LSAMP: variants seen among roughly 807,000 people sequenced by gnomAD.
The protein encoded by LSAMP is limbic system-associated membrane protein.
LSAMP carries 7 observed loss-of-function variants against 38.6 expected under a neutral mutation model. The observed-to-expected ratio is 0.18, with a 90% CI of 0.10 to 0.34. LSAMP has a LOEUF of 0.34. Among genes scored for constraint, LSAMP ranks in the 10% least tolerant of loss-of-function variants. The probability of loss-of-function intolerance (pLI) is 1.00; values close to 1 mark genes in which losing one functional copy is unlikely to be tolerated. For synonymous variants in LSAMP, 154 were observed against 166.8 expected (o/e 0.92, Z 0.59); for missense variants, 313 against 420.0 (o/e 0.75, Z 2.23).
chr3:116,380,009 A>G (rs1301293885), intron 1 of LSAMP, among the ~76,000 whole-genome samples: 1 of 152,036 alleles, frequency 6.6e-6, no homozygotes, highest in Non-Finnish European at 1.5e-5. Flanking sequence ...GAACACTACC[A>G]TATACTGTGT....
intron 1 of LSAMP, among the ~76,000 whole-genome samples, chr3:116,424,654 G>T (rs1576214407): frequency 1.3e-5 from 2 of 152,100 alleles, no homozygotes; most frequent in Non-Finnish European, 1.5e-5. Flanking sequence ...GACATAGTGT[G>T]GATTAAATAC....
intron 1 of LSAMP, among the ~76,000 whole-genome samples, chr3:116,137,420 A>T (rs73140913): frequency 0.18 from 27,270 of 152,104 alleles, 2,555 homozygotes; most frequent in Admixed American, 0.22. Context: ...ACAAGTAATA[A>T]ACATTTCATT....
chr3:116,249,703 A>G (rs2046654183), intron 1 of LSAMP, among the ~76,000 whole-genome samples: 1 of 151,450 alleles, frequency 6.6e-6, no homozygotes, highest in Non-Finnish European at 1.5e-5. Context: ...TTTAATACAT[A>G]GTCTTCTGGG....
rs1027763793 is a variant in LSAMP, at chr3:115,807,769, TAAG to T, written c.*2545_*2547del. 8 of 152,190 alleles carry T rather than the reference TAAG, an allele frequency of 5.3e-5. No homozygotes were observed. The highest frequency in any genetic ancestry group is 1.3e-4 in the Admixed American group (2 of 15,286). 9.4% of individuals were successfully genotyped at this position (152,190 alleles called of 1,614,324 possible). A position where few individuals can be genotyped will look rare whatever the true frequency, so the allele number is the denominator to read the frequency against. On this transcript the variant is annotated 3_prime_UTR_variant, in exon 7 of 7. Transcript: ENST00000490035. ...AAGATGATACCCTTTATTCTTGAAC[TAAG>T]AAGACCAAACTGTTAAGAGAAATAC...
At chr3:116,105,286 T>C (rs1261056949) in intron 1 of LSAMP, among the ~76,000 whole-genome samples, 1 of 151,934 alleles carries the variant, frequency 6.6e-6, no homozygotes, top group Non-Finnish European at 1.5e-5. Context: ...AGAAGCATGA[T>C]GTGAGAGGAC....
Position 116,272,412 on chromosome 3 carries a change from C to CA in LSAMP, c.155+172464dup, listed in dbSNP as rs549408342. On this transcript the variant is annotated intron_variant, in intron 1 of 6. Transcript: ENST00000490035. ...GTTTGATAGAAAGGCCATCTTATTG[C>CA]ACTTATCGAAGCACTGATCCCTAGT... 7.2e-5 allele frequency among the ~76,000 whole-genome samples: 11 copies of CA among 152,226 alleles called. No homozygotes were observed. In the South Asian group the frequency reaches 2.3e-3, roughly 32 times the overall value.
At chr3:116,144,307 C>A (rs529801487) in intron 1 of LSAMP, among the ~76,000 whole-genome samples, 3 of 151,854 alleles carry the variant, frequency 2.0e-5, no homozygotes, top group African/African-American at 7.2e-5. Context: ...GAGACCAATG[C>A]GAGAGGATTG....
intron 6 of LSAMP, chr3:115,816,736 TGAAA>T: frequency 3.0e-6 from 2 of 656,550 alleles, no homozygotes; most frequent in Non-Finnish European, 4.6e-6. Context: ...TATTCTCCAC[TGAAA>T]GGCGAATAAG....
At chr3:116,023,001 C>T (rs983319969) in intron 2 of LSAMP, among the ~76,000 whole-genome samples, 1 of 152,094 alleles carries the variant, frequency 6.6e-6, no homozygotes, top group African/African-American at 2.4e-5. Context: ...ACTGCTCTCT[C>T]CCCTTGACCA....
intron 2 of LSAMP, among the ~76,000 whole-genome samples, chr3:116,034,185 C>T (rs1940995253): frequency 6.6e-6 from 1 of 152,028 alleles, no homozygotes; most frequent in Admixed American, 6.6e-5. Context: ...AGGTACCTGA[C>T]ATGAGGGATC....
chr3:116,104,957 G>T (rs191661460), intron 1 of LSAMP, among the ~76,000 whole-genome samples: 1 of 152,322 alleles, frequency 6.6e-6, no homozygotes, highest in African/African-American at 2.4e-5. Flanking sequence ...CAGGAGCACA[G>T]CGGTGGAAGA....
rs373014677 is a variant in LSAMP at position 115,812,166 on chromosome 3, C to A, written c.920-1752G>T. On this transcript the variant is annotated intron_variant, in intron 6 of 6. Transcript: ENST00000490035. Reference sequence around the variant, plus strand: ...CTTCTTGAGAATATTAAAAACATCACCCAATATAAAAATATGAACATATAC... The same window carrying A: ...CTTCTTGAGAATATTAAAAACATCAACCAATATAAAAATATGAACATATAC... 3.3e-5 allele frequency among the ~76,000 whole-genome samples: 5 copies of A among 152,136 alleles called. No homozygotes were observed. The South Asian group carries it at 6.2e-4, about 19-fold the overall frequency.
chr3:116,300,457 A>AAATC (rs2047391016), intron 1 of LSAMP, among the ~76,000 whole-genome samples: 1 of 152,130 alleles, frequency 6.6e-6, no homozygotes, highest in Non-Finnish European at 1.5e-5. Flanking sequence ...AAAGTCACTT[A>AAATC]AATCAGGGGT....
At chr3:115,844,265 C>T (rs1452366591) in intron 4 of LSAMP, among the ~76,000 whole-genome samples, 4 of 152,304 alleles carry the variant, frequency 2.6e-5, no homozygotes, top group Middle Eastern at 6.8e-3. Flanking sequence ...AAATTGCTAA[C>T]TTTCCAAATT....
chr3:116,123,742 A>T (rs914526910), intron 1 of LSAMP, among the ~76,000 whole-genome samples: 11 of 152,242 alleles, frequency 7.2e-5, no homozygotes, highest in Admixed American at 4.6e-4. Context: ...CACGGTAGAT[A>T]TTAATCAGAC....
At chr3:116,165,563 C>T (rs1286370928) in intron 1 of LSAMP, among the ~76,000 whole-genome samples, 1 of 152,202 alleles carries the variant, frequency 6.6e-6, no homozygotes, top group Non-Finnish European at 1.5e-5. Context: ...CATACACACA[C>T]ACACACACTT....
chr3:115,968,252 C>A (rs1246782888), intron 3 of LSAMP, among the ~76,000 whole-genome samples: 1 of 151,982 alleles, frequency 6.6e-6, no homozygotes, highest in Non-Finnish European at 1.5e-5. Flanking sequence ...TTTTCTCAAG[C>A]AGAAGGATTC....
intron 2 of LSAMP, among the ~76,000 whole-genome samples, chr3:116,036,772 A>G (rs1449272231): frequency 6.6e-6 from 1 of 152,210 alleles, no homozygotes; most frequent in Non-Finnish European, 1.5e-5. Context: ...TCCATTCACA[A>G]CTATTAAGAT....
intron 3 of LSAMP, among the ~76,000 whole-genome samples, chr3:116,010,339 G>C (rs2107674429): frequency 6.6e-6 from 1 of 152,308 alleles, no homozygotes; most frequent in South Asian, 2.1e-4. Flanking sequence ...TAAGCAGGTT[G>C]CAACAGAGTC....
Sources: allele counts gnomAD v4.1 joint callset (sites outside exome capture counted in the v4.1 genomes callset), GRCh38; gene constraint gnomAD v4.1.1; transcripts MANE v1.5; gene names NCBI Gene and HGNC (gene_info 2026-07-23, HGNC 2026-07-21).